KCNN2: variants seen among roughly 807,000 people sequenced by gnomAD.
KCNN2 encodes the protein potassium calcium-activated channel subfamily N member 2.
In KCNN2, 24 loss-of-function variants were observed where a neutral mutation model predicts 55.5. That is an observed-to-expected ratio of 0.43 (90% CI 0.31 to 0.61). The LOEUF (loss-of-function observed/expected upper bound fraction) is 0.61. KCNN2 is among the 20% of genes least tolerant of loss of function. KCNN2 has a pLI of 0.08. For missense variants in KCNN2, 754 were observed against 853.6 expected (o/e 0.88, Z 1.45); for synonymous variants, 431 against 336.1 (o/e 1.28, Z -3.09).
intron 1 of KCNN2, among the ~76,000 whole-genome samples, chr5:114,149,298 C>A (rs1036526596): frequency 2.0e-5 from 3 of 152,104 alleles, no homozygotes; most frequent in African/African-American, 7.2e-5. Context: ...TCATCATGAA[C>A]CCACACTCAG....
chr5:114,090,546 CCTCT>C (rs199791117), intron 1 of KCNN2, among the ~76,000 whole-genome samples: 2 of 141,280 alleles, frequency 1.4e-5, no homozygotes, highest in African/African-American at 5.1e-5. Context: ...TTTCTCTCTT[CCTCT>C]CTCTCTCTCT....
At chr5:114,133,243 A>G (rs1752106272) in intron 1 of KCNN2, among the ~76,000 whole-genome samples, 2 of 152,200 alleles carry the variant, frequency 1.3e-5, no homozygotes, top group African/African-American at 4.8e-5. Context: ...TTTTAGAACC[A>G]CTAGAAGTAT....
At chr5:114,071,530 T>G (rs1750569045) in intron 1 of KCNN2, among the ~76,000 whole-genome samples, 1 of 152,196 alleles carries the variant, frequency 6.6e-6, no homozygotes, top group African/African-American at 2.4e-5. Flanking sequence ...ACAAGGGGAC[T>G]GAAATAACAG....
chr5:114,268,054 T>A (rs1050081766), intron 2 of KCNN2, among the ~76,000 whole-genome samples: 7 of 152,174 alleles, frequency 4.6e-5, no homozygotes, highest in African/African-American at 1.7e-4. Context: ...CACTTCCCAC[T>A]TGATGCTTCC....
At chr5:114,071,424 T>G (rs1260865166) in intron 1 of KCNN2, among the ~76,000 whole-genome samples, 4 of 152,220 alleles carry the variant, frequency 2.6e-5, no homozygotes, top group Non-Finnish European at 4.4e-5. Context: ...ACATGCCTGT[T>G]TGAAAAAACT....
chr5:114,466,703 T>C lies in KCNN2; in HGVS notation c.1779+3513T>C, dbSNP rs900049721. 3.3e-5 allele frequency among the ~76,000 whole-genome samples: 5 copies of C among 152,246 alleles called. No individual in the cohort carries two copies. The South Asian group carries it at 6.2e-4, about 19-fold the overall frequency. ...GAGTATGGATGACTGGATTTTTTGGTTTAATTATCTTTAAATATCGAGTAA... is the reference window on the plus strand; with the variant it reads ...GAGTATGGATGACTGGATTTTTTGGCTTAATTATCTTTAAATATCGAGTAA... On this transcript the variant is annotated intron_variant, in intron 4 of 7. Transcript: ENST00000673685.
At chr5:114,105,553 T>C (rs1384896959) in intron 1 of KCNN2, among the ~76,000 whole-genome samples, 1 of 152,102 alleles carries the variant, frequency 6.6e-6, no homozygotes, top group Non-Finnish European at 1.5e-5. Flanking sequence ...GTGCTTTGCT[T>C]CCATTTATAA....
chr5:114,221,951 C>G (rs1754147562), intron 2 of KCNN2, among the ~76,000 whole-genome samples: 1 of 152,106 alleles, frequency 6.6e-6, no homozygotes, highest in African/African-American at 2.4e-5. Flanking sequence ...CTTCTTTCGA[C>G]CCTGTTTTCT....
chr5:114,354,676 AACTT>A (rs1757267487), intron 2 of KCNN2, among the ~76,000 whole-genome samples: 1 of 152,184 alleles, frequency 6.6e-6, no homozygotes, highest in South Asian at 2.1e-4. Context: ...AAGAAAATTT[AACTT>A]GTGAAAGTAT....
chr5:114,169,955 T>G (rs1752998746), intron 1 of KCNN2, among the ~76,000 whole-genome samples: 1 of 152,130 alleles, frequency 6.6e-6, no homozygotes, highest in Non-Finnish European at 1.5e-5. Flanking sequence ...CTTAGTGAAT[T>G]ACTTGAATTA....
At chr5:114,438,296 G>C (rs186997697) in intron 3 of KCNN2, among the ~76,000 whole-genome samples, 1 of 152,256 alleles carries the variant, frequency 6.6e-6, no homozygotes, top group Admixed American at 6.5e-5. Flanking sequence ...AGCTCGGTTT[G>C]GATGAACTGC....
intron 2 of KCNN2, among the ~76,000 whole-genome samples, chr5:114,264,374 A>G (rs867653090): frequency 6.6e-6 from 1 of 152,186 alleles, no homozygotes; most frequent in African/African-American, 2.4e-5. Flanking sequence ...TACAAGTGGA[A>G]AAATCAGGTA....
At chr5:114,170,454 A>G (rs1033617772) in intron 1 of KCNN2, among the ~76,000 whole-genome samples, 12 of 152,008 alleles carry the variant, frequency 7.9e-5, no homozygotes, top group Non-Finnish European at 1.6e-4. Flanking sequence ...GGTGGGGAAC[A>G]CTGCACATCA....
At chr5:114,134,134 G>T (rs1364088619) in intron 1 of KCNN2, among the ~76,000 whole-genome samples, 1 of 151,850 alleles carries the variant, frequency 6.6e-6, no homozygotes, top group African/African-American at 2.4e-5. Context: ...CCCACCTGGT[G>T]CTAGGGGAAG....
intron 2 of KCNN2, among the ~76,000 whole-genome samples, chr5:114,402,081 G>T (rs903666937): frequency 6.6e-6 from 1 of 152,170 alleles, no homozygotes; most frequent in Non-Finnish European, 1.5e-5. Context: ...GGTTAATATT[G>T]TGGGGACACA....
intron 2 of KCNN2, among the ~76,000 whole-genome samples, chr5:114,229,167 C>G (rs928634121): frequency 6.6e-6 from 1 of 151,790 alleles, no homozygotes; most frequent in Non-Finnish European, 1.5e-5. Flanking sequence ...TTATGTTACT[C>G]AGTGTTCAGT....
At chr5:114,140,180 A>G (rs1410854284) in intron 1 of KCNN2, among the ~76,000 whole-genome samples, 1 of 152,238 alleles carries the variant, frequency 6.6e-6, no homozygotes, top group East Asian at 1.9e-4. Context: ...ACCTATATAA[A>G]CAAAGGGTTT....
At chr5:114,372,647 A>G (rs991221321) in intron 2 of KCNN2, among the ~76,000 whole-genome samples, 1 of 152,126 alleles carries the variant, frequency 6.6e-6, no homozygotes, top group African/African-American at 2.4e-5. Flanking sequence ...GAAACATAGG[A>G]AAATATGAAA....
At chr5:114,148,394 G>C (rs1426997485) in intron 1 of KCNN2, among the ~76,000 whole-genome samples, 2 of 152,070 alleles carry the variant, frequency 1.3e-5, no homozygotes, top group East Asian at 3.9e-4. Flanking sequence ...GCTCAATAAT[G>C]TTTGCTTGTA....
Sources: gnomAD v4.1 joint callset for allele counts (sites outside exome capture counted in the v4.1 genomes callset) on GRCh38, gnomAD v4.1.1 for gene constraint, MANE v1.5 for transcripts, NCBI Gene and HGNC (gene_info 2026-07-23, HGNC 2026-07-21) for gene names.